CERS6: variants seen among roughly 807,000 people sequenced by gnomAD.
CERS6 encodes ceramide synthase 6, also known as LAG1 homolog, ceramide synthase 6.
In CERS6, 26 loss-of-function variants were observed where a neutral mutation model predicts 56.8. The ratio of observed to expected loss-of-function variants is 0.46; its 90% CI spans 0.34 to 0.63. The LOEUF (loss-of-function observed/expected upper bound fraction) is 0.63, where lower values mean the gene tolerates loss of function less well. Ranked by LOEUF, CERS6 falls within the 30% of genes least tolerant of loss-of-function variation. The probability of loss-of-function intolerance (pLI) is 0.01; values close to 1 mark genes in which losing one functional copy is unlikely to be tolerated. For synonymous variants in CERS6, 164 were observed against 173.3 expected, an observed-to-expected ratio of 0.95 and a Z score of 0.42; for missense variants, 415 against 467.5, an observed-to-expected ratio of 0.89 and a Z score of 1.04.
intron 8 of CERS6, among the ~76,000 whole-genome samples, chr2:168,751,315 G>A (rs2105445327): frequency 6.6e-6 from 1 of 152,286 alleles, no homozygotes; most frequent in Non-Finnish European, 1.5e-5. Flanking sequence ...ACTTTTTTAT[G>A]ACCCAGATAT....
rs1208077480 is a variant in CERS6, at chr2:168,567,667, A to C, written c.407+6345A>C. On this transcript the variant is annotated intron_variant, in intron 3 of 9. Transcript: ENST00000305747. ...AACCCTGCTTTAGGGTTATAATACT[A>C]TTTGTGGTTCTTTCAGAGTTTCAAG... Among the ~76,000 whole-genome samples the C allele has an allele frequency of 2.0e-5, 3 of 152,214 alleles. No individual in the cohort carries two copies. The East Asian group carries it at 5.8e-4, about 29-fold the overall frequency.
chr2:168,620,219 G>A (rs1379552568), intron 3 of CERS6, among the ~76,000 whole-genome samples: 2 of 152,006 alleles, frequency 1.3e-5, no homozygotes, highest in Admixed American at 6.5e-5. Flanking sequence ...ATAAGTGGAA[G>A]CTATGCGGAT....
intron 3 of CERS6, among the ~76,000 whole-genome samples, chr2:168,599,712 T>G (rs1213516631): frequency 6.6e-6 from 1 of 152,210 alleles, no homozygotes; most frequent in Non-Finnish European, 1.5e-5. Flanking sequence ...ATATATAGTT[T>G]GAGGACCATC....
chr2:168,687,160 A>G (rs1033603176), intron 4 of CERS6, among the ~76,000 whole-genome samples: 6 of 152,234 alleles, frequency 3.9e-5, no homozygotes, highest in African/African-American at 9.6e-5. Flanking sequence ...GCTTCCCACC[A>G]GAATTGTACT....
chr2:168,573,083 A>G (rs569718206), intron 3 of CERS6, among the ~76,000 whole-genome samples: 2 of 152,142 alleles, frequency 1.3e-5, no homozygotes, highest in African/African-American at 4.8e-5. Context: ...TGGTGGTTAC[A>G]TGGACCAAAT....
Position 168,729,885 on chromosome 2 carries a change from C to T in CERS6, c.845+11907C>T, listed in dbSNP as rs576095996. Among the ~76,000 whole-genome samples the T allele has an allele frequency of 2.2e-4, 34 of 152,302 alleles. 2 individuals are homozygous for T. In the South Asian group the frequency reaches 5.2e-3, roughly 23 times the overall value. On this transcript the variant is annotated intron_variant, in intron 8 of 9. Transcript: ENST00000305747. ...CTTCTTTATCGATCTGCTTATCACA[C>T]GTTACTGTGAGCCTGCTGTGCATCA...
intron 1 of CERS6, among the ~76,000 whole-genome samples, chr2:168,510,675 G>T (rs1694763017): frequency 6.6e-6 from 1 of 152,014 alleles, no homozygotes; most frequent in Non-Finnish European, 1.5e-5. Context: ...TTCCTTTCTT[G>T]TTCAGTGTTT....
intron 1 of CERS6, among the ~76,000 whole-genome samples, chr2:168,543,451 A>G (rs1026722883): frequency 1.3e-5 from 2 of 151,048 alleles, no homozygotes; most frequent in African/African-American, 2.4e-5. Flanking sequence ...GAACTTATTT[A>G]TGTTAGAACT....
At chr2:168,703,850 T>C (rs957050184) in intron 6 of CERS6, among the ~76,000 whole-genome samples, 4 of 152,130 alleles carry the variant, frequency 2.6e-5, no homozygotes, top group African/African-American at 9.7e-5. Flanking sequence ...TCCTCTGAGG[T>C]AGATATTCCC....
intron 3 of CERS6, among the ~76,000 whole-genome samples, chr2:168,597,843 A>G (rs1683836983): frequency 6.6e-6 from 1 of 152,208 alleles, no homozygotes; most frequent in Non-Finnish European, 1.5e-5. Context: ...AGAGTCATCT[A>G]GGACAGTGTG....
intron 3 of CERS6, among the ~76,000 whole-genome samples, chr2:168,580,836 T>G (rs1232537950): frequency 6.6e-6 from 1 of 152,204 alleles, no homozygotes; most frequent in Non-Finnish European, 1.5e-5. Context: ...GTCTTCTTGC[T>G]TACATGCTTG....
At chr2:168,720,752 A>T (rs1687344428) in intron 8 of CERS6, among the ~76,000 whole-genome samples, 1 of 152,190 alleles carries the variant, frequency 6.6e-6, no homozygotes, top group South Asian at 2.1e-4. Flanking sequence ...GTTAAGTGAG[A>T]TTATTTATTT....
chr2:168,487,668 A>C (rs1283753098), intron 1 of CERS6, among the ~76,000 whole-genome samples: 1 of 152,110 alleles, frequency 6.6e-6, no homozygotes, highest in Non-Finnish European at 1.5e-5. Context: ...AGCTACTTTT[A>C]TGTGTTTTCC....
rs114084491 is a variant in CERS6, at chr2:168,726,822, C to A, written c.845+8844C>A. On this transcript the variant is annotated intron_variant, in intron 8 of 9. Coordinates refer to ENST00000305747, the MANE Select transcript of CERS6 (RefSeq NM_203463.3). ...CAGAAGTTCTTATTATATTTTATAACCTCCTACTAGTCTATATTAAGGAAT... is the reference window on the plus strand; with the variant it reads ...CAGAAGTTCTTATTATATTTTATAAACTCCTACTAGTCTATATTAAGGAAT... Among the ~76,000 whole-genome samples, 1,085 of 152,272 alleles carry A rather than the reference C, an allele frequency of 7.1e-3. 11 individuals are homozygous for A. Among genetic ancestry groups the A allele is most frequent in the African/African-American group, 0.024 (1,017 of 41,556 alleles).
chr2:168,627,442 A>G (rs1177398897), intron 3 of CERS6, among the ~76,000 whole-genome samples: 3 of 152,216 alleles, frequency 2.0e-5, no homozygotes, highest in African/African-American at 7.2e-5. Context: ...TACTTTTCAT[A>G]TATTCCTCTG....
intron 8 of CERS6, among the ~76,000 whole-genome samples, chr2:168,746,820 T>TATATATAA (rs1329677014): frequency 6.4e-4 from 51 of 80,018 alleles, no homozygotes; most frequent in African/African-American, 1.6e-3. Flanking sequence ...TATATATATA[T>TATATATAA]AAAATCATCT....
intron 1 of CERS6, among the ~76,000 whole-genome samples, chr2:168,479,107 C>A (rs2105331139): frequency 6.6e-6 from 1 of 152,202 alleles, no homozygotes; most frequent in African/African-American, 2.4e-5. Flanking sequence ...TGAAGTGCTA[C>A]CTCGATCATA....
chr2:168,764,316 G>C (rs1232979528), intron 8 of CERS6, among the ~76,000 whole-genome samples: 1 of 151,820 alleles, frequency 6.6e-6, no homozygotes, highest in South Asian at 2.1e-4. Context: ...CTAATTTTTT[G>C]TATTTTTAAT....
chr2:168,677,561 G>A (rs557334984), intron 4 of CERS6, among the ~76,000 whole-genome samples: 13 of 152,018 alleles, frequency 8.6e-5, no homozygotes, highest in Non-Finnish European at 1.8e-4. Context: ...GCAATGGCGC[G>A]ATCTTGGCTC....
Sources: allele counts gnomAD v4.1 joint callset (sites outside exome capture counted in the v4.1 genomes callset), GRCh38; gene constraint gnomAD v4.1.1; transcripts MANE v1.5; gene names NCBI Gene and HGNC (gene_info 2026-07-23, HGNC 2026-07-21).